Variants in MTBP observed in about 807,000 individuals in gnomAD.
MTBP encodes MDM2 binding protein, also known as mdm2-binding protein.
In MTBP, 101 loss-of-function variants were observed where a neutral mutation model predicts 117.0. That is an observed-to-expected ratio of 0.86 (90% confidence interval 0.73 to 1.02). The LOEUF (loss-of-function observed/expected upper bound fraction) is 1.02, where lower values mean the gene tolerates loss of function less well. Among genes scored for constraint, MTBP ranks in the 50% least tolerant of loss-of-function variants. MTBP has a pLI of 0.00. For missense variants in MTBP, 970 were observed against 1,030.9 expected (o/e 0.94, Z 0.81); for synonymous variants, 350 against 351.5 (o/e 1.00, Z 0.05).
intron 10 of MTBP, among the ~76,000 whole-genome samples, chr8:120,468,009 C>T (rs1157505439): frequency 6.6e-6 from 1 of 152,184 alleles, no homozygotes; most frequent in East Asian, 1.9e-4. Context: ...ACTCACATTA[C>T]AGCCTTGTCC....
At chr8:120,464,328 T>C (rs1813641893) in intron 10 of MTBP, among the ~76,000 whole-genome samples, 1 of 152,048 alleles carries the variant, frequency 6.6e-6, no homozygotes, top group African/African-American at 2.4e-5. Flanking sequence ...TTAAGTGGAC[T>C]CATCTATTTG....
At chr8:120,486,922 A>T (rs1327352354) in intron 11 of MTBP, among the ~76,000 whole-genome samples, 1 of 152,186 alleles carries the variant, frequency 6.6e-6, no homozygotes, top group Non-Finnish European at 1.5e-5. Flanking sequence ...TACCCTTAGG[A>T]TCATTTCACC....
intron 11 of MTBP, among the ~76,000 whole-genome samples, chr8:120,475,125 G>C (rs1050110857): frequency 6.6e-6 from 1 of 151,340 alleles, no homozygotes; most frequent in Non-Finnish European, 1.5e-5. Context: ...TTTTCCCCCA[G>C]ATAGCCATAT....
At chr8:120,450,259 G>C (rs879623934) in intron 2 of MTBP, among the ~76,000 whole-genome samples, 1 of 152,150 alleles carries the variant, frequency 6.6e-6, no homozygotes, top group African/African-American at 2.4e-5. Context: ...AATACAAGTT[G>C]AGTTGTATCT....
intron 11 of MTBP, among the ~76,000 whole-genome samples, chr8:120,475,945 T>C (rs1813926855): frequency 6.6e-6 from 1 of 152,046 alleles, no homozygotes; most frequent in Non-Finnish European, 1.5e-5. Flanking sequence ...ATGTGCCATA[T>C]GCTGTGGATT....
rs563147615 is a variant in MTBP at position 120,515,373 on chromosome 8, A to C, written c.1980-552A>C. Among the ~76,000 whole-genome samples, 4 of 152,160 alleles carry C rather than the reference A, an allele frequency of 2.6e-5. No individual in the cohort carries two copies. In the East Asian group the frequency reaches 7.7e-4, roughly 29 times the overall value. ...ATGCCCTGAATCAGATTCAGCTAGA[A>C]ACCACATGCACAGACAGCCGAAGTG... On this transcript the variant is annotated intron_variant, in intron 17 of 21. Coordinates refer to ENST00000305949, the MANE Select transcript of MTBP (RefSeq NM_022045.5).
chr8:120,454,583 G>T lies in MTBP; in HGVS notation c.484+678G>T, dbSNP rs536876156. On this transcript the variant is annotated intron_variant, in intron 5 of 21. Transcript: ENST00000305949. ...TAGTAAGTAAATATTTGTACTAGGA[G>T]CCAAGTGTACCATGATGAATAAAGC... Among the ~76,000 whole-genome samples, 171 of 152,116 alleles carry T rather than the reference G, an allele frequency of 1.1e-3. 1 individual carries two copies. The highest frequency in any genetic ancestry group is 4.0e-3 in the African/African-American group (165 of 41,550).
chr8:120,448,691 T>C (rs1813276601), intron 2 of MTBP, among the ~76,000 whole-genome samples: 1 of 152,328 alleles, frequency 6.6e-6, no homozygotes, highest in East Asian at 1.9e-4. Context: ...TATGCAGTTA[T>C]AGTTAGTGAA....
Position 120,446,458 on chromosome 8 carries a change from C to T in MTBP, c.144C>T (p.His48=), listed in dbSNP as rs746354464. The change falls in exon 2 of 22, where the codon CAC becomes CAT. Residue 48 remains histidine, a synonymous_variant. Transcript: ENST00000305949. The part of the protein sequence containing the change: ...QPDFTAANVY[H]LLKRSISASI... ...ACTTCACAGCAGCAAATGTTTATCA[C>T]CTCTTGAAAAGAAGCATTAGTGCTT... 6.2e-7 allele frequency: 1 copy of T among 1,609,558 alleles called. No individual in the cohort carries two copies. Among genetic ancestry groups the T allele is most frequent in the Non-Finnish European group, 8.5e-7 (1 of 1,176,154 alleles).
At chr8:120,456,502 T>G (rs756154046) in intron 6 of MTBP, 51 bp from the exon 7 acceptor site, 2 of 1,122,664 alleles carry the variant, frequency 1.8e-6, no homozygotes, top group Non-Finnish European at 2.6e-6. Flanking sequence ...AATGATTAAA[T>G]CAGTGAAATA....
At chr8:120,468,185 A>G (rs940543789) in intron 10 of MTBP, among the ~76,000 whole-genome samples, 10 of 152,160 alleles carry the variant, frequency 6.6e-5, no homozygotes, top group African/African-American at 2.4e-4. Flanking sequence ...TCTTAACTAC[A>G]TAAAATATAT....
intron 2 of MTBP, among the ~76,000 whole-genome samples, chr8:120,447,286 C>G (rs1485574772): frequency 2.6e-5 from 4 of 151,886 alleles, no homozygotes; most frequent in Non-Finnish European, 2.9e-5. Context: ...TAGAGAACCT[C>G]TTGTCTCTCG....
chr8:120,451,312 TC>T lies in MTBP; in HGVS notation c.417del (p.Leu140TrpfsTer27), dbSNP rs1225042539. Reference protein sequence around the residue: ...EEDSNSRESLSLADLYEEAAE... With the variant: ...EEDSNSRESLXLADLYEEAAE... ...AGACAGTAATAGCAGGGAATCATTA[TC>T]CTTGGCTGAGTATGCTTATATGGTT... On this transcript the variant is annotated frameshift_variant, in exon 4 of 22. Transcript: ENST00000305949. LOFTEE classifies it high-confidence loss of function. 6.8e-6 allele frequency: 11 copies of T among 1,612,522 alleles called. No homozygotes were observed. Among genetic ancestry groups the T allele is most frequent in the Admixed American group, 1.7e-5 (1 of 60,010 alleles).
intron 2 of MTBP, among the ~76,000 whole-genome samples, chr8:120,449,820 C>T (rs1011354836): frequency 6.6e-6 from 1 of 152,056 alleles, no homozygotes. Context: ...AACTAAAAAC[C>T]GCTAGATTTA....
At chr8:120,450,910 C>A in intron 2 of MTBP, 93 bp from the exon 3 acceptor site, 3 of 830,432 alleles carry the variant, frequency 3.6e-6, no homozygotes, top group South Asian at 2.0e-5. Context: ...TAATATGTTT[C>A]AAAAGTTATG....
At chr8:120,513,424 T>C (rs2130617014) in intron 17 of MTBP, among the ~76,000 whole-genome samples, 1 of 152,188 alleles carries the variant, frequency 6.6e-6, no homozygotes, top group Admixed American at 6.5e-5. Flanking sequence ...ACAATAAATT[T>C]TTACTTCACT....
At chr8:120,458,498 A>G (rs1813517058) in intron 7 of MTBP, among the ~76,000 whole-genome samples, 1 of 152,106 alleles carries the variant, frequency 6.6e-6, no homozygotes, top group Non-Finnish European at 1.5e-5. Flanking sequence ...TATCAGCAAC[A>G]TTTATCAAAG....
intron 15 of MTBP, among the ~76,000 whole-genome samples, chr8:120,505,488 A>G (rs1814670127): frequency 6.6e-6 from 1 of 152,144 alleles, no homozygotes; most frequent in Non-Finnish European, 1.5e-5. Context: ...TTAGATTAAT[A>G]TTTTCAGTTT....
At chr8:120,506,091 G>T (rs961998207) in intron 15 of MTBP, among the ~76,000 whole-genome samples, 3 of 152,096 alleles carry the variant, frequency 2.0e-5, no homozygotes, top group Non-Finnish European at 4.4e-5. Flanking sequence ...AAGGAAACTT[G>T]TGAGGATTAA....
Sources: allele counts gnomAD v4.1 joint callset (sites outside exome capture counted in the v4.1 genomes callset), GRCh38; gene constraint gnomAD v4.1.1; transcripts MANE v1.5; gene names NCBI Gene and HGNC (gene_info 2026-07-23, HGNC 2026-07-21).